Variants in SLC16A10 observed in about 807,000 individuals in gnomAD.
SLC16A10 encodes monocarboxylate transporter 10.
In SLC16A10, 27 loss-of-function variants were observed where a neutral mutation model predicts 40.0. The ratio of observed to expected loss-of-function variants is 0.67; its 90% CI spans 0.50 to 0.93. The LOEUF (loss-of-function observed/expected upper bound fraction) is 0.93, where lower values mean the gene tolerates loss of function less well. SLC16A10 is among the 40% of genes least tolerant of loss of function. SLC16A10 has a pLI of 0.00. For synonymous variants in SLC16A10, 213 were observed against 249.8 expected (o/e 0.85, Z 1.39); for missense variants, 529 against 658.2 (o/e 0.80, Z 2.15).
In SLC16A10 at chr6:111,089,908, G is replaced by GTTTTTTTTTTTTT. The variant is rs541758500; in HGVS notation, c.343+1839_343+1851dup. 2.5e-4 allele frequency among the ~76,000 whole-genome samples: 13 copies of GTTTTTTTTTTTTT among 52,334 alleles called. 5 individuals are homozygous for GTTTTTTTTTTTTT. Among genetic ancestry groups the GTTTTTTTTTTTTT allele is most frequent in the South Asian group, 1.4e-3 (2 of 1,452 alleles). 34.3% of individuals were successfully genotyped at this position (52,334 alleles called of 152,430 possible). A position where few individuals can be genotyped will look rare whatever the true frequency, so the allele number is the denominator to read the frequency against. ...TAGATCCTTTGGTGTCTGTGGGTGGGTTTTTTTTTTTTTTTTTTTTTTTTT... is the reference window on the plus strand; with the variant it reads ...TAGATCCTTTGGTGTCTGTGGGTGGGTTTTTTTTTTTTTTTTTTTTTTTTTTTTTTTTTTTTTT... On this transcript the variant is annotated intron_variant, in intron 1 of 5. Coordinates refer to ENST00000368851, the MANE Select transcript of SLC16A10 (RefSeq NM_018593.5).
chr6:111,101,864 G>T lies in SLC16A10; in HGVS notation c.343+13769G>T, dbSNP rs1039750545. Among the ~76,000 whole-genome samples the T allele has an allele frequency of 5.3e-5, 8 of 152,294 alleles. No individual in the cohort carries two copies. The South Asian group carries it at 1.5e-3, about 28-fold the overall frequency. ...TCAAACTCCTGGTCTCAAGTGATCCGCCTGCCTTGGCCTTCCAAAGTGTTG... is the reference window on the plus strand; with the variant it reads ...TCAAACTCCTGGTCTCAAGTGATCCTCCTGCCTTGGCCTTCCAAAGTGTTG... On this transcript the variant is annotated intron_variant, in intron 1 of 5. Coordinates refer to ENST00000368851, the MANE Select transcript of SLC16A10 (RefSeq NM_018593.5).
chr6:111,212,703 A>G (rs1163218612), intron 4 of SLC16A10, among the ~76,000 whole-genome samples: 4 of 151,906 alleles, frequency 2.6e-5, no homozygotes, highest in African/African-American at 9.7e-5. Flanking sequence ...TGAGATGGGA[A>G]GATTGCTTGA....
At chr6:111,211,173 A>G (rs1452407145) in intron 4 of SLC16A10, among the ~76,000 whole-genome samples, 1 of 152,172 alleles carries the variant, frequency 6.6e-6, no homozygotes, top group East Asian at 1.9e-4. Context: ...TAGGAGATCA[A>G]TTCAGGGTCC....
intron 5 of SLC16A10, among the ~76,000 whole-genome samples, chr6:111,219,791 G>T (rs1310629419): frequency 6.6e-6 from 1 of 152,100 alleles, no homozygotes; most frequent in African/African-American, 2.4e-5. Flanking sequence ...AACATAAAAG[G>T]TGACGTGGCT....
At chr6:111,210,663 A>T (rs1773330470) in intron 4 of SLC16A10, among the ~76,000 whole-genome samples, 1 of 152,146 alleles carries the variant, frequency 6.6e-6, no homozygotes, top group African/African-American at 2.4e-5. Context: ...GGAAAGTGGC[A>T]TGGGAAGGGA....
chr6:111,196,662 A>G (rs915693438), intron 3 of SLC16A10, among the ~76,000 whole-genome samples: 1 of 152,164 alleles, frequency 6.6e-6, no homozygotes, highest in African/African-American at 2.4e-5. Context: ...CAACAACAGG[A>G]GACTATACTT....
intron 1 of SLC16A10, among the ~76,000 whole-genome samples, chr6:111,105,368 A>G (rs1376102538): frequency 2.6e-5 from 4 of 152,216 alleles, no homozygotes; most frequent in Admixed American, 2.6e-4. Flanking sequence ...CTACTCTTTA[A>G]AAGAGTTATC....
intron 1 of SLC16A10, among the ~76,000 whole-genome samples, chr6:111,169,289 G>A (rs904835726): frequency 5.3e-4 from 81 of 152,314 alleles, no homozygotes; most frequent in Middle Eastern, 3.4e-3. Flanking sequence ...AGGTTCCAAC[G>A]GTGAGTCTTT....
In SLC16A10 at chr6:111,227,586, G is replaced by A. The variant is rs1014971792; in HGVS notation, c.*5351G>A. 1 of 152,066 alleles carries A rather than the reference G, an allele frequency of 6.6e-6. No homozygotes were observed. Among genetic ancestry groups the A allele is most frequent in the Non-Finnish European group, 1.5e-5 (1 of 68,028 alleles). The allele number at this position is 152,066 out of a possible 1,614,324, so 9.4% of individuals were successfully genotyped here. On this transcript the variant is annotated 3_prime_UTR_variant, in exon 6 of 6. Coordinates refer to ENST00000368851, the MANE Select transcript of SLC16A10 (RefSeq NM_018593.5). ...TTTTAAAATTATCAAATTTTAAATC[G>A]TAAACTTTGTCTTCACTTCCACACG...
intron 1 of SLC16A10, among the ~76,000 whole-genome samples, chr6:111,140,287 A>C (rs549857709): frequency 1.3e-5 from 2 of 152,062 alleles, no homozygotes; most frequent in South Asian, 4.2e-4. Context: ...ACATAGCAGA[A>C]CCCCATCTCT....
intron 1 of SLC16A10, among the ~76,000 whole-genome samples, chr6:111,130,438 A>G (rs2114487857): frequency 6.6e-6 from 1 of 152,362 alleles, no homozygotes; most frequent in South Asian, 2.1e-4. Context: ...GCTTAGAAGC[A>G]TCTTTCCCCA....
chr6:111,100,970 CTCTCTCTCTCTCTCTCTCTCTCTA>C (rs1771168611), intron 1 of SLC16A10, among the ~76,000 whole-genome samples: 1 of 119,950 alleles, frequency 8.3e-6, no homozygotes, highest in Non-Finnish European at 1.7e-5. Context: ...CTCTCTCTCT[CTCTCTCTCTCTCTCTCTCTCTCTA>C]TATATATATA....
At chr6:111,204,912 G>A (rs1773230818) in intron 3 of SLC16A10, among the ~76,000 whole-genome samples, 1 of 152,024 alleles carries the variant, frequency 6.6e-6, no homozygotes, top group South Asian at 2.1e-4. Context: ...TGAGCCCTTA[G>A]ACATTTAAAT....
At chr6:111,110,426 T>G (rs1771365596) in intron 1 of SLC16A10, among the ~76,000 whole-genome samples, 1 of 151,760 alleles carries the variant, frequency 6.6e-6, no homozygotes, top group Non-Finnish European at 1.5e-5. Context: ...GAGGTGAAGT[T>G]ACTAAAGGTC....
Position 111,222,411 on chromosome 6 carries a change from T to A in SLC16A10, c.*176T>A. On this transcript the variant is annotated 3_prime_UTR_variant, in exon 6 of 6. Transcript: ENST00000368851. ...ACCATTTTCTGCCACTAAATATCTC[T>A]GATGTTTCCATGAGTCTGAGGGCAG... The A allele has an allele frequency of 5.6e-6, 4 of 716,072 alleles. No individual in the cohort carries two copies. The highest frequency in any genetic ancestry group is 8.3e-6 in the Non-Finnish European group (4 of 480,444). 44.4% of individuals were successfully genotyped at this position (716,072 alleles called of 1,614,324 possible).
chr6:111,105,625 C>T (rs1771271754), intron 1 of SLC16A10, among the ~76,000 whole-genome samples: 2 of 152,172 alleles, frequency 1.3e-5, no homozygotes, highest in Admixed American at 1.3e-4. Context: ...GCCTTAGTTA[C>T]CTGTCACACA....
chr6:111,219,135 C>G, intron 5 of SLC16A10, 93 bp downstream of exon 5: 1 of 1,140,176 alleles, frequency 8.8e-7, no homozygotes, highest in Non-Finnish European at 1.3e-6. Context: ...AAACATATTA[C>G]AGGTTATTGA....
intron 1 of SLC16A10, among the ~76,000 whole-genome samples, chr6:111,152,786 A>G (rs551920018): frequency 2.6e-4 from 40 of 152,350 alleles, no homozygotes; most frequent in African/African-American, 9.1e-4. Context: ...AGAGAGGTCA[A>G]CTATTACATA....
At chr6:111,155,584 C>A (rs1772256658) in intron 1 of SLC16A10, among the ~76,000 whole-genome samples, 1 of 152,102 alleles carries the variant, frequency 6.6e-6, no homozygotes. Flanking sequence ...TTGTAACTTT[C>A]TGAGGTGAAA....
Sources: allele counts gnomAD v4.1 joint callset (sites outside exome capture counted in the v4.1 genomes callset), GRCh38; gene constraint gnomAD v4.1.1; transcripts MANE v1.5; gene names NCBI Gene and HGNC (gene_info 2026-07-23, HGNC 2026-07-21).